Variants in CELF2 observed in about 807,000 individuals in gnomAD.
CELF2 encodes the protein CUG triplet repeat RNA-binding protein 2.
CELF2 carries 8 observed loss-of-function variants against 62.6 expected under a neutral mutation model. The observed-to-expected ratio is 0.13, with a 90% CI of 0.07 to 0.23. The LOEUF (loss-of-function observed/expected upper bound fraction) is 0.23. Ranked by LOEUF, CELF2 falls within the 10% of genes least tolerant of loss-of-function variation. The probability of loss-of-function intolerance (pLI) is 1.00; values close to 1 mark genes in which losing one functional copy is unlikely to be tolerated. For synonymous variants in CELF2, 258 were observed against 250.0 expected, an observed-to-expected ratio of 1.03 and a Z score of -0.30; for missense variants, 333 against 671.0, an observed-to-expected ratio of 0.50 and a Z score of 5.56.
At chr10:10,466,622 C>G in the CELF2 span, among the ~76,000 whole-genome samples, 15 of 152,056 alleles carry the variant, frequency 9.9e-5, no homozygotes. Context: ...TAAGAAAAAA[C>G]CCAGCAGTTT....
the CELF2 span, among the ~76,000 whole-genome samples, chr10:10,679,722 A>G: frequency 6.6e-6 from 1 of 152,380 alleles, no homozygotes; most frequent in South Asian, 2.1e-4. Flanking sequence ...ATTTCAAAAT[A>G]AAACTGTTAC....
the CELF2 span, among the ~76,000 whole-genome samples, chr10:10,514,681 T>C: frequency 6.6e-6 from 1 of 152,020 alleles, no homozygotes; most frequent in Non-Finnish European, 1.5e-5. Context: ...AGGTTGGAAA[T>C]AGTCGGTGGT....
At chr10:10,939,709 C>T (rs2046835630) in intron 2 of CELF2, among the ~76,000 whole-genome samples, 1 of 151,810 alleles carries the variant, frequency 6.6e-6, no homozygotes, top group South Asian at 2.1e-4. Flanking sequence ...AATCCCAGCA[C>T]TTTGGGAGGC....
intron 3 of CELF2, among the ~76,000 whole-genome samples, chr10:11,228,171 A>G (rs2067259067): frequency 1.3e-5 from 2 of 152,222 alleles, no homozygotes; most frequent in Admixed American, 6.5e-5. Flanking sequence ...TGTTTTGTCT[A>G]CATAATGGAT....
intron 1 of CELF2, among the ~76,000 whole-genome samples, chr10:11,054,434 T>G (rs1003678385): frequency 4.6e-5 from 7 of 152,184 alleles, no homozygotes; most frequent in Non-Finnish European, 1.0e-4. Context: ...TTAAAAAATC[T>G]ATCATCAGTT....
chr10:10,700,957 A>C, the CELF2 span, among the ~76,000 whole-genome samples: 1 of 152,278 alleles, frequency 6.6e-6, no homozygotes, highest in African/African-American at 2.4e-5. Context: ...CCACCTACCA[A>C]GTTCTGGCTT....
At chr10:11,144,963 GAAAATA>G (rs1333220349) in intron 1 of CELF2, among the ~76,000 whole-genome samples, 1 of 147,970 alleles carries the variant, frequency 6.8e-6, no homozygotes, top group African/African-American at 2.5e-5. Flanking sequence ...GTGGAGAGTT[GAAAATA>G]TGCGAAGCTG....
chr10:10,528,688 T>C, the CELF2 span, among the ~76,000 whole-genome samples: 1 of 152,202 alleles, frequency 6.6e-6, no homozygotes, highest in East Asian at 1.9e-4. Context: ...AGTGGTGTTG[T>C]GTCATTGCAT....
the CELF2 span, among the ~76,000 whole-genome samples, chr10:10,549,712 T>C: frequency 6.6e-6 from 1 of 152,240 alleles, no homozygotes; most frequent in African/African-American, 2.4e-5. Context: ...CCAGTCATAC[T>C]GGATTAGGGC....
intron 2 of CELF2, among the ~76,000 whole-genome samples, chr10:10,988,861 T>C (rs2053122405): frequency 6.6e-6 from 1 of 151,920 alleles, no homozygotes; most frequent in Non-Finnish European, 1.5e-5. Flanking sequence ...TAGCAATAAA[T>C]CATGGAACCC....
At chr10:11,150,283 T>C (rs114830533) in intron 1 of CELF2, among the ~76,000 whole-genome samples, 146 of 152,338 alleles carry the variant, frequency 9.6e-4, no homozygotes, top group African/African-American at 3.2e-3. Context: ...ATAATCTTTA[T>C]TTTGACCTAG....
At chr10:10,715,611 A>G in the CELF2 span, among the ~76,000 whole-genome samples, 3 of 152,240 alleles carry the variant, frequency 2.0e-5, no homozygotes, top group Admixed American at 6.5e-5. Context: ...GGATTGTTCT[A>G]TGAAATAAAA....
Position 11,008,653 on chromosome 10 carries a change from G to A in CELF2, c.53+3213G>A, listed in dbSNP as rs947815677. On this transcript the variant is annotated intron_variant, in intron 1 of 12. Transcript: ENST00000416382. This position sits in a 1 kb window ranked among gnomAD's most constrained non-coding sequence, Gnocchi z 4.5. Reference sequence around the variant, plus strand: ...TCATTGAGCACAGCCATGGAAACACGCAGGTTCTTGGAAAGAAAGTAAAAT... The same window carrying A: ...TCATTGAGCACAGCCATGGAAACACACAGGTTCTTGGAAAGAAAGTAAAAT... 3.3e-5 allele frequency among the ~76,000 whole-genome samples: 5 copies of A among 152,176 alleles called. No individual in the cohort carries two copies. Among genetic ancestry groups the A allele is most frequent in the Non-Finnish European group, 5.9e-5 (4 of 68,036 alleles).
chr10:11,222,692 G>A (rs539324824), intron 3 of CELF2, among the ~76,000 whole-genome samples: 24 of 152,270 alleles, frequency 1.6e-4, no homozygotes, highest in Middle Eastern at 3.4e-3. Context: ...CTTACACGTG[G>A]TATGTGTTTA....
chr10:10,731,770 G>A, the CELF2 span, among the ~76,000 whole-genome samples: 3 of 152,032 alleles, frequency 2.0e-5, no homozygotes, highest in Non-Finnish European at 2.9e-5. Flanking sequence ...AAGAGCACTC[G>A]GTAGGAACAG....
At chr10:10,922,184 G>A (rs1443345853) in intron 2 of CELF2, among the ~76,000 whole-genome samples, 2 of 151,866 alleles carry the variant, frequency 1.3e-5, no homozygotes, top group African/African-American at 2.4e-5. Flanking sequence ...TTTGGATAAC[G>A]TCCCAAAGAA....
chr10:10,932,647 C>T (rs1375226528), intron 2 of CELF2, among the ~76,000 whole-genome samples: 1 of 151,122 alleles, frequency 6.6e-6, no homozygotes, highest in Admixed American at 6.7e-5. Context: ...CAAAATGTCT[C>T]TTACATGATA....
At chr10:10,497,329 G>C in the CELF2 span, among the ~76,000 whole-genome samples, 1 of 152,158 alleles carries the variant, frequency 6.6e-6, no homozygotes, top group Admixed American at 6.5e-5. Context: ...GAGAAACAAA[G>C]GATGGAGGAG....
the CELF2 span, among the ~76,000 whole-genome samples, chr10:10,525,054 G>A: frequency 1.3e-5 from 2 of 152,276 alleles, no homozygotes; most frequent in South Asian, 4.2e-4. Flanking sequence ...ACAGTGCAAT[G>A]TTTGGATATT....
Sources: gnomAD v4.1 joint callset for allele counts (sites outside exome capture counted in the v4.1 genomes callset) on GRCh38, gnomAD v4.1.1 for gene constraint, Gnocchi (gnomAD v3.1) non-coding constraint, MANE v1.5 for transcripts, NCBI Gene and HGNC (gene_info 2026-07-23, HGNC 2026-07-21) for gene names.